Variants in PHLDB1 observed in about 807,000 individuals in gnomAD.
The protein encoded by PHLDB1 is pleckstrin homology like domain family B member 1.
A neutral mutation model predicts 139.3 loss-of-function variants in PHLDB1; 65 were observed. That is an observed-to-expected ratio of 0.47 (90% CI 0.38 to 0.57). The LOEUF (loss-of-function observed/expected upper bound fraction) is 0.57. Ranked by LOEUF, PHLDB1 falls within the 20% of genes least tolerant of loss-of-function variation. PHLDB1 has a pLI of 0.00. For synonymous variants in PHLDB1, 679 were observed against 734.5 expected (o/e 0.92, Z 1.22); for missense variants, 1,624 against 1,839.7 (o/e 0.88, Z 2.14).
chr11:118,624,417 C>T (rs759749183), intron 4 of PHLDB1: 26 of 155,568 alleles, frequency 1.7e-4, no homozygotes, highest in African/African-American at 3.1e-4. Context: ...TCTTGTGCTG[C>T]GGAGCCCTGG....
chr11:118,618,020 G>C (rs533884873), intron 4 of PHLDB1, among the ~76,000 whole-genome samples: 1 of 152,046 alleles, frequency 6.6e-6, no homozygotes, highest in Non-Finnish European at 1.5e-5. Context: ...GTATGCTTCT[G>C]TTGTCCAGTC....
intron 21 of PHLDB1, 25 bp from the exon 22 acceptor site, chr11:118,655,835 T>A (rs372656518): frequency 5.0e-5 from 81 of 1,606,940 alleles, no homozygotes; most frequent in Non-Finnish European, 6.9e-5. Context: ...AACTTTCTCT[T>A]CCTTTCTCCC....
chr11:118,607,201 G>T (rs1939341448), upstream of PHLDB1, among the ~76,000 whole-genome samples: 1 of 150,060 alleles, frequency 6.7e-6, no homozygotes, highest in Admixed American at 6.7e-5. Flanking sequence ...AAGGCAAAAA[G>T]AAAGAGGGGA....
At chr11:118,641,586 T>C (rs1555120581) in intron 12 of PHLDB1, 1 of 1,250,890 alleles carries the variant, frequency 8.0e-7, no homozygotes, top group Admixed American at 2.5e-5. Context: ...CCTCTTATAT[T>C]CCCTCCTGCG....
chr11:118,642,210 C>A, intron 12 of PHLDB1, 44 bp from the exon 13 acceptor site: 1 of 1,580,840 alleles, frequency 6.3e-7, no homozygotes, highest in Non-Finnish European at 8.7e-7. Flanking sequence ...TCCTCTCCAT[C>A]CTCCCCTCCT....
rs782193939 is a variant in PHLDB1, at chr11:118,647,911, C to A, written c.3508-19C>A. 6.4e-7 allele frequency: 1 copy of A among 1,555,758 alleles called. No homozygotes were observed. The highest frequency in any genetic ancestry group is 1.2e-5 in the South Asian group (1 of 84,420). On this transcript the variant is annotated intron_variant, in intron 17 of 22. Coordinates refer to ENST00000600882, the MANE Select transcript of PHLDB1 (RefSeq NM_001144758.3). ...GAAGAGGATGGCCATAGGTGCTGACCCCTTGGCTTTGGGGGCAGGAGCGGG... is the reference window on the plus strand; with the variant it reads ...GAAGAGGATGGCCATAGGTGCTGACACCTTGGCTTTGGGGGCAGGAGCGGG...
In PHLDB1 at chr11:118,657,040, T is replaced by G; in HGVS notation, c.*217T>G. 2.1e-6 allele frequency: 1 copy of G among 466,032 alleles called. No homozygotes were observed. Among genetic ancestry groups the G allele is most frequent in the East Asian group, 3.2e-5 (1 of 31,188 alleles). The allele number at this position is 466,032 out of a possible 1,614,324, so 28.9% of individuals were successfully genotyped here. A position where few individuals can be genotyped will look rare whatever the true frequency, so the allele number is the denominator to read the frequency against. ...CCAGGCCCAGCCAGGGCTGAGGAGC[T>G]GTCACAGAGAGGGCCTCAGCTCTGA... On this transcript the variant is annotated 3_prime_UTR_variant, in exon 23 of 23. Transcript: ENST00000600882.
chr11:118,642,490 TG>T, intron 13 of PHLDB1, 96 bp downstream of exon 13: 1 of 1,394,540 alleles, frequency 7.2e-7, no homozygotes, highest in East Asian at 2.3e-5. Flanking sequence ...CCACCTTGAG[TG>T]GAGGCGTCAG....
Position 118,635,552 on chromosome 11 carries a change from T to A in PHLDB1, c.2535+4T>A. The A allele has an allele frequency of 3.9e-6, 6 of 1,530,554 alleles. No homozygotes were observed. Among genetic ancestry groups the A allele is most frequent in the South Asian group, 1.3e-5 (1 of 78,284 alleles). 94.8% of individuals were successfully genotyped at this position (1,530,554 alleles called of 1,614,324 possible). Reference sequence around the variant, plus strand: ...CCGCAGCATCGCCAAGAGGAAGGTGTGCCCCACCTCGTTCCCTGCTGCGTG... The same window carrying A: ...CCGCAGCATCGCCAAGAGGAAGGTGAGCCCCACCTCGTTCCCTGCTGCGTG... On this transcript the variant is annotated splice_donor_region_variant and intron_variant, in intron 10 of 22. Coordinates refer to ENST00000600882, the MANE Select transcript of PHLDB1 (RefSeq NM_001144758.3).
At chr11:118,644,856 C>A in intron 15 of PHLDB1, 1 of 311,746 alleles carries the variant, frequency 3.2e-6, no homozygotes. Flanking sequence ...TCTCTTCTGC[C>A]CTCATCTGTG....
At chr11:118,621,909 C>A (rs1555095395) in intron 4 of PHLDB1, among the ~76,000 whole-genome samples, 2 of 152,172 alleles carry the variant, frequency 1.3e-5, no homozygotes. Flanking sequence ...ATATTCCCTT[C>A]ACTCGGTCTC....
chr11:118,655,094 G>A (rs1415776371), intron 20 of PHLDB1: 2 of 155,546 alleles, frequency 1.3e-5, no homozygotes, highest in African/African-American at 4.8e-5. Flanking sequence ...GTCTCCACTT[G>A]ATTGATATTT....
chr11:118,628,425 C>T lies in PHLDB1; in HGVS notation c.1602C>T (p.Phe534=). 1.9e-6 allele frequency: 3 copies of T among 1,609,738 alleles called. No individual in the cohort carries two copies. Among genetic ancestry groups the T allele is most frequent in the Non-Finnish European group, 2.5e-6 (3 of 1,178,464 alleles). The change falls in exon 6 of 23, where the codon TTC becomes TTT. Residue 534 remains phenylalanine, a synonymous_variant. Transcript: ENST00000600882. ...CTCTGGCACCCCACAAGGGCAGCTT[C>T]AGTGGCAGGCTGAGCCCAGCCTACA... The part of the protein sequence containing the change: ...GESLAPHKGS[F]SGRLSPAYSL...
At chr11:118,643,417 G>GC in intron 13 of PHLDB1, 1 of 622,076 alleles carries the variant, frequency 1.6e-6, no homozygotes, top group South Asian at 7.2e-5. Context: ...GGAAGCCAAG[G>GC]CCCAGAGTAG....
chr11:118,635,617 C>G (rs782155758), intron 10 of PHLDB1, 69 bp downstream of exon 10: 3 of 1,342,680 alleles, frequency 2.2e-6, no homozygotes, highest in Non-Finnish European at 2.9e-6. Flanking sequence ...TCCCAATGAC[C>G]TCACAAAAGT....
chr11:118,640,201 C>T (rs1946291361), intron 12 of PHLDB1: 2 of 153,848 alleles, frequency 1.3e-5, no homozygotes, highest in African/African-American at 4.8e-5. Context: ...CATTGAATTG[C>T]ATATTTATTT....
intron 12 of PHLDB1, chr11:118,640,504 C>T (rs1946337025): frequency 6.6e-6 from 1 of 152,304 alleles, no homozygotes; most frequent in Non-Finnish European, 1.5e-5. Context: ...TTTCCAAGGA[C>T]TCACCTTGGG....
At chr11:118,649,644 G>A (rs782686721) in intron 18 of PHLDB1, among the ~76,000 whole-genome samples, 26 of 152,172 alleles carry the variant, frequency 1.7e-4, no homozygotes, top group Admixed American at 5.9e-4. Context: ...GTTCAAAGCC[G>A]GCGTTTTACA....
Position 118,650,264 on chromosome 11 carries a change from C to T in PHLDB1, c.3771+71C>T, listed in dbSNP as rs45537034. 8.0e-3 allele frequency: 9,815 copies of T among 1,224,026 alleles called. 69 individuals carry two copies. Among genetic ancestry groups the T allele is most frequent in the Non-Finnish European group, 9.0e-3 (7,432 of 825,322 alleles). The allele number at this position is 1,224,026 out of a possible 1,614,324, so 75.8% of individuals were successfully genotyped here. On this transcript the variant is annotated intron_variant, in intron 19 of 22. Transcript: ENST00000600882. The surrounding 1 kb of genome is among the most constrained non-coding windows in gnomAD (Gnocchi z 4.7). Reference sequence around the variant, plus strand: ...CCGTGGTGAGAGGCACCTCCTGGGTCGTTGGAATAGTGGCGTCAGTCTCTA... The same window carrying T: ...CCGTGGTGAGAGGCACCTCCTGGGTTGTTGGAATAGTGGCGTCAGTCTCTA...
Sources: gnomAD v4.1 joint callset for allele counts (sites outside exome capture counted in the v4.1 genomes callset) on GRCh38, gnomAD v4.1.1 for gene constraint, Gnocchi (gnomAD v3.1) non-coding constraint, MANE v1.5 for transcripts, NCBI Gene and HGNC (gene_info 2026-07-23, HGNC 2026-07-21) for gene names.